DNAH11: variants seen among roughly 807,000 people sequenced by gnomAD.
DNAH11 encodes dynein axonemal heavy chain 11.
In DNAH11, 442 loss-of-function variants were observed where a neutral mutation model predicts 526.0. The ratio of observed to expected loss-of-function variants is 0.84; its 90% confidence interval spans 0.78 to 0.91. The LOEUF is 0.91. DNAH11 is among the 40% of genes least tolerant of loss of function. The probability of loss-of-function intolerance (pLI) is 0.00; values close to 1 mark genes in which losing one functional copy is unlikely to be tolerated. For missense variants in DNAH11, 6,989 were observed against 5,448.7 expected, an observed-to-expected ratio of 1.28 and a Z score of -8.90; for synonymous variants, 2,461 against 1,935.9, an observed-to-expected ratio of 1.27 and a Z score of -7.12.
rs200603138 is a variant in DNAH11, at chr7:21,816,484, C to T, written c.10350C>T (p.Thr3450=). 21 of 1,607,444 alleles carry T rather than the reference C, an allele frequency of 1.3e-5. No homozygotes were observed. The highest frequency in any genetic ancestry group is 5.6e-5 in the South Asian group (5 of 89,422). The change falls in exon 64 of 82, where the codon ACC becomes ACT. Residue 3450 remains threonine, a synonymous_variant. Coordinates refer to ENST00000409508, the MANE Select transcript of DNAH11 (RefSeq NM_001277115.2). ...FLQQKVSIPL[T]EGLDLISMLT... ...TTTTAAAGGTTTCCATTCCACTAAC[C>T]GAAGGCCTGGACTTGATATCCATGT...
chr7:21,679,365 T>G (rs2128471692), intron 30 of DNAH11, among the ~76,000 whole-genome samples: 1 of 152,342 alleles, frequency 6.6e-6, no homozygotes, highest in African/African-American at 2.4e-5. Context: ...ACTTGAAATT[T>G]GCTAAGAGAG....
intron 57 of DNAH11, among the ~76,000 whole-genome samples, 185 bp downstream of exon 57, chr7:21,779,289 C>G (rs1787832408): frequency 6.6e-6 from 1 of 152,140 alleles, no homozygotes; most frequent in Non-Finnish European, 1.5e-5. Flanking sequence ...TTATGCATTT[C>G]CCCAACCTTT....
chr7:21,873,916 G>A (rs889324998), intron 74 of DNAH11, among the ~76,000 whole-genome samples: 5 of 146,026 alleles, frequency 3.4e-5, no homozygotes, highest in African/African-American at 7.6e-5. Context: ...TCAGCCTCCT[G>A]AGTAGCTGTG....
At chr7:21,662,164 G>T (rs988039371) in intron 30 of DNAH11, among the ~76,000 whole-genome samples, 4 of 152,052 alleles carry the variant, frequency 2.6e-5, no homozygotes, top group African/African-American at 9.7e-5. Context: ...GCTATATAAG[G>T]GCTGGCTATT....
chr7:21,635,703 AATTCACTC>A (rs1478505683), intron 25 of DNAH11, among the ~76,000 whole-genome samples, 160 bp from the exon 26 acceptor site: 2 of 152,222 alleles, frequency 1.3e-5, no homozygotes. Flanking sequence ...TACTACCATT[AATTCACTC>A]ATTCACTCAT....
intron 65 of DNAH11, among the ~76,000 whole-genome samples, chr7:21,823,058 C>T (rs1338741302): frequency 7.1e-6 from 1 of 140,914 alleles, no homozygotes; most frequent in African/African-American, 2.7e-5. Flanking sequence ...AATATCTTCT[C>T]CCATTCTGTA....
chr7:21,728,536 G>A (rs1264749169), intron 45 of DNAH11, among the ~76,000 whole-genome samples: 7 of 152,082 alleles, frequency 4.6e-5, no homozygotes, highest in South Asian at 2.1e-4. Context: ...TAGGATTACA[G>A]GCATGAGCCG....
intron 35 of DNAH11, among the ~76,000 whole-genome samples, chr7:21,696,847 A>C (rs554841515): frequency 1.6e-4 from 24 of 152,312 alleles, no homozygotes; most frequent in African/African-American, 5.5e-4. Context: ...GAGAGAGTGC[A>C]TAAAAAGATT....
intron 55 of DNAH11, among the ~76,000 whole-genome samples, chr7:21,769,976 A>G (rs1787362879): frequency 6.6e-6 from 1 of 152,192 alleles, no homozygotes; most frequent in Admixed American, 6.5e-5. Context: ...TACAAAAAGC[A>G]TAAGCAAATA....
chr7:21,566,021 C>T (rs572802133), intron 6 of DNAH11, among the ~76,000 whole-genome samples: 4 of 152,302 alleles, frequency 2.6e-5, no homozygotes, highest in African/African-American at 9.6e-5. Flanking sequence ...ACACCACAAT[C>T]CCTGTTGCAG....
chr7:21,574,564 CTTTT>C (rs35535321), intron 8 of DNAH11, among the ~76,000 whole-genome samples: 5 of 123,838 alleles, frequency 4.0e-5, no homozygotes, highest in African/African-American at 1.6e-4. Flanking sequence ...CCCTTCCTTC[CTTTT>C]TTTTTTTTTT....
chr7:21,664,047 G>A (rs1053613061), intron 30 of DNAH11, among the ~76,000 whole-genome samples: 1 of 151,284 alleles, frequency 6.6e-6, no homozygotes, highest in Non-Finnish European at 1.5e-5. Context: ...CCCACCAACA[G>A]TGTACAAGGA....
rs375160708 is a variant in DNAH11, at chr7:21,615,159, C to G, written c.3898C>G (p.Gln1300Glu). The change falls in exon 21 of 82, where the codon CAA becomes GAA. Residue 1300 changes from glutamine (Q) to glutamate (E), a missense_variant. By Grantham distance (29) the Gln-to-Glu change is conservative. Transcript: ENST00000409508. ...CTTAGAAGAAGAAATGTTGCAGATGCAAGAATCTACTCGTCTTTTTGAAGT... is the reference window on the plus strand; with the variant it reads ...CTTAGAAGAAGAAATGTTGCAGATGGAAGAATCTACTCGTCTTTTTGAAGT... ...EALEEEMLQM[Q>E]ESTRLFEVAL... 4 of 1,612,620 alleles carry G rather than the reference C, an allele frequency of 2.5e-6. No individual in the cohort carries two copies. The highest frequency in any genetic ancestry group is 1.1e-5 in the South Asian group (1 of 90,786).
At chr7:21,732,766 T>C (rs562192867) in intron 45 of DNAH11, among the ~76,000 whole-genome samples, 71 of 152,262 alleles carry the variant, frequency 4.7e-4, no homozygotes, top group Non-Finnish European at 8.7e-4. Context: ...GACTTCAATT[T>C]AAGACAGCCA....
intron 63 of DNAH11, among the ~76,000 whole-genome samples, chr7:21,812,219 A>C (rs1461683558): frequency 1.3e-5 from 2 of 152,220 alleles, no homozygotes; most frequent in Non-Finnish European, 2.9e-5. Flanking sequence ...ATCATTCATA[A>C]GATGGGGAAA....
chr7:21,860,282 A>G (rs1402537475), intron 68 of DNAH11, among the ~76,000 whole-genome samples: 1 of 63,550 alleles, frequency 1.6e-5, no homozygotes, highest in Non-Finnish European at 5.2e-5. Flanking sequence ...TAGAATGGCT[A>G]CTATCAAAAA....
At chr7:21,675,289 T>C (rs1462366672) in intron 30 of DNAH11, among the ~76,000 whole-genome samples, 1 of 152,138 alleles carries the variant, frequency 6.6e-6, no homozygotes, top group African/African-American at 2.4e-5. Context: ...CTGCCATGGG[T>C]GACCTCTTTC....
At chr7:21,607,837 C>T (rs1383909657) in intron 20 of DNAH11, among the ~76,000 whole-genome samples, 1 of 145,094 alleles carries the variant, frequency 6.9e-6, no homozygotes. Flanking sequence ...ACTCAGGAGG[C>T]TGAGGCAGGG....
chr7:21,724,117 A>G (rs1299967145), intron 44 of DNAH11, among the ~76,000 whole-genome samples: 1 of 152,210 alleles, frequency 6.6e-6, no homozygotes, highest in Non-Finnish European at 1.5e-5. Context: ...CATTTTGCCT[A>G]TATGTAGTGG....
Sources: allele counts gnomAD v4.1 joint callset (sites outside exome capture counted in the v4.1 genomes callset), GRCh38; gene constraint gnomAD v4.1.1; transcripts MANE v1.5; gene names NCBI Gene and HGNC (gene_info 2026-07-23, HGNC 2026-07-21).